UNC13C: variants seen among roughly 807,000 people sequenced by gnomAD.
UNC13C encodes the protein protein unc-13 homolog C.
A neutral mutation model predicts 245.4 loss-of-function variants in UNC13C; 174 were observed. That is an observed-to-expected ratio of 0.71 (90% CI 0.63 to 0.80). The LOEUF (loss-of-function observed/expected upper bound fraction) is 0.80. UNC13C is among the 30% of genes least tolerant of loss of function. The pLI, the probability that UNC13C is intolerant of heterozygous loss-of-function variation, is 0.00. For synonymous variants in UNC13C, 992 were observed against 895.1 expected (o/e 1.11, Z -1.93); for missense variants, 2,829 against 2,602.9 (o/e 1.09, Z -1.89).
intron 10 of UNC13C, among the ~76,000 whole-genome samples, chr15:54,286,606 A>C (rs2037157039): frequency 6.6e-6 from 1 of 152,196 alleles, no homozygotes; most frequent in Admixed American, 6.5e-5. Context: ...TTGGCCAAAA[A>C]AATTTTGCTT....
At chr15:54,492,997 T>C (rs766692796) in intron 19 of UNC13C, among the ~76,000 whole-genome samples, 44 of 152,192 alleles carry the variant, frequency 2.9e-4, no homozygotes, top group Non-Finnish European at 5.7e-4. Context: ...GCACCAAGTG[T>C]AAGATCCCAA....
intron 18 of UNC13C, among the ~76,000 whole-genome samples, chr15:54,409,081 A>G (rs909168076): frequency 4.6e-5 from 7 of 152,164 alleles, no homozygotes; most frequent in African/African-American, 1.7e-4. Context: ...GAGAAAATCA[A>G]CTTCAACAAA....
chr15:54,360,824 C>A (rs1284758718), intron 17 of UNC13C, among the ~76,000 whole-genome samples: 1 of 152,050 alleles, frequency 6.6e-6, no homozygotes, highest in South Asian at 2.1e-4. Context: ...CTGAGAAATT[C>A]TCTGAAAGGT....
At chr15:54,297,780 T>A in intron 11 of UNC13C, 31 bp from the exon 12 acceptor site, 1 of 1,485,066 alleles carries the variant, frequency 6.7e-7, no homozygotes, top group Non-Finnish European at 9.3e-7. Flanking sequence ...TTGTCAGACA[T>A]GACTGACCAA....
At chr15:54,248,265 A>G (rs143260383) in intron 7 of UNC13C, among the ~76,000 whole-genome samples, 3 of 152,286 alleles carry the variant, frequency 2.0e-5, no homozygotes, top group African/African-American at 7.2e-5. Flanking sequence ...AATTGCAAGT[A>G]TATAAATTAG....
the UNC13C span, among the ~76,000 whole-genome samples, chr15:53,843,647 A>C: frequency 6.6e-6 from 1 of 152,128 alleles, no homozygotes; most frequent in African/African-American, 2.4e-5. Context: ...GTGGAGAAAA[A>C]AGAGCCCATG....
intron 25 of UNC13C, among the ~76,000 whole-genome samples, chr15:54,529,434 C>G (rs906087089): frequency 7.9e-5 from 12 of 152,060 alleles, no homozygotes; most frequent in Non-Finnish European, 1.5e-5. Flanking sequence ...AACAAGATGT[C>G]AACTAAAATA....
chr15:54,030,080 G>A (rs1566961731), intron 2 of UNC13C, among the ~76,000 whole-genome samples: 1 of 152,040 alleles, frequency 6.6e-6, no homozygotes, highest in Non-Finnish European at 1.5e-5. Flanking sequence ...CTGCAGCAGC[G>A]GCAGCAGGTT....
chr15:54,194,003 TG>T (rs2034272712), intron 4 of UNC13C, among the ~76,000 whole-genome samples: 1 of 152,144 alleles, frequency 6.6e-6, no homozygotes, highest in Non-Finnish European at 1.5e-5. Context: ...GTAGTCCAAA[TG>T]CAGTGAACCA....
At chr15:54,422,006 A>T (rs982856398) in intron 19 of UNC13C, among the ~76,000 whole-genome samples, 1 of 152,082 alleles carries the variant, frequency 6.6e-6, no homozygotes, top group African/African-American at 2.4e-5. Flanking sequence ...AGTGATATGG[A>T]TGAAAAGCAT....
At chr15:54,232,884 A>T (rs1388751253) in intron 4 of UNC13C, among the ~76,000 whole-genome samples, 1 of 152,114 alleles carries the variant, frequency 6.6e-6, no homozygotes, top group East Asian at 1.9e-4. Context: ...CTAGATACCC[A>T]TTCACTTAGC....
the UNC13C span, among the ~76,000 whole-genome samples, chr15:53,943,400 T>C: frequency 6.6e-6 from 1 of 152,184 alleles, no homozygotes. Context: ...CTTGGTTCTT[T>C]GTAATTCTCA....
At chr15:54,209,883 A>G (rs1000196227) in intron 4 of UNC13C, among the ~76,000 whole-genome samples, 39 of 152,152 alleles carry the variant, frequency 2.6e-4, no homozygotes, top group African/African-American at 9.2e-4. Flanking sequence ...TGAAATAAAT[A>G]AGATAAAATG....
intron 17 of UNC13C, among the ~76,000 whole-genome samples, chr15:54,358,035 A>G (rs1371761500): frequency 2.0e-5 from 3 of 152,230 alleles, no homozygotes; most frequent in Admixed American, 1.3e-4. Flanking sequence ...GCATTTACTC[A>G]GTATGCAATC....
At chr15:53,863,364 C>G in the UNC13C span, among the ~76,000 whole-genome samples, 1 of 152,162 alleles carries the variant, frequency 6.6e-6, no homozygotes, top group African/African-American at 2.4e-5. Flanking sequence ...GCAGAAGTGA[C>G]ACACATTTCT....
chr15:53,968,745 A>C, the UNC13C span, among the ~76,000 whole-genome samples: 1 of 152,194 alleles, frequency 6.6e-6, no homozygotes, highest in Admixed American at 6.5e-5. Flanking sequence ...CTTTATAGCA[A>C]GAATCAAAAG....
At chr15:54,525,833 T>C (rs1895429399) in intron 25 of UNC13C, among the ~76,000 whole-genome samples, 196 bp downstream of exon 25, 1 of 152,188 alleles carries the variant, frequency 6.6e-6, no homozygotes, top group Non-Finnish European at 1.5e-5. Flanking sequence ...TCCCTAGAAC[T>C]CTGTGCATCC....
rs755532609 is a variant in UNC13C, at chr15:54,332,021, A to C, written c.4426-22A>C. The C allele has an allele frequency of 8.5e-6, 13 of 1,524,578 alleles. 1 individual carries two copies. The highest frequency in any genetic ancestry group is 1.2e-5 in the Non-Finnish European group (13 of 1,126,268). 94.4% of individuals were successfully genotyped at this position (1,524,578 alleles called of 1,614,324 possible). On this transcript the variant is annotated intron_variant, in intron 14 of 32. Coordinates refer to ENST00000260323, the MANE Select transcript of UNC13C (RefSeq NM_001080534.3). ...AGTGGTCATTTATTTCCATTCTCCTATTTTGTGTTTGCTTTGTACAGAGGG... is the reference window on the plus strand; with the variant it reads ...AGTGGTCATTTATTTCCATTCTCCTCTTTTGTGTTTGCTTTGTACAGAGGG...
At chr15:54,273,386 C>T (rs1055465134) in intron 10 of UNC13C, among the ~76,000 whole-genome samples, 1 of 152,068 alleles carries the variant, frequency 6.6e-6, no homozygotes, top group Non-Finnish European at 1.5e-5. Context: ...TTCCTCGCTT[C>T]TCTGCACACT....
Sources: gnomAD v4.1 joint callset for allele counts (sites outside exome capture counted in the v4.1 genomes callset) on GRCh38, gnomAD v4.1.1 for gene constraint, MANE v1.5 for transcripts, NCBI Gene and HGNC (gene_info 2026-07-23, HGNC 2026-07-21) for gene names.